PSD2: variants seen among roughly 807,000 people sequenced by gnomAD.
PSD2 encodes pleckstrin and Sec7 domain containing 2, also known as PH and SEC7 domain-containing protein 2.
In PSD2, 38 loss-of-function variants were observed where a neutral mutation model predicts 69.8. That is an observed-to-expected ratio of 0.54 (90% CI 0.42 to 0.71). PSD2 has a LOEUF of 0.71. Ranked by LOEUF, PSD2 falls within the 30% of genes least tolerant of loss-of-function variation. The pLI is 0.00. For synonymous variants in PSD2, 412 were observed against 423.0 expected (o/e 0.97, Z 0.32); for missense variants, 943 against 1,014.5 (o/e 0.93, Z 0.96).
intron 5 of PSD2, among the ~76,000 whole-genome samples, chr5:139,817,911 C>T (rs1760161952): frequency 2.6e-5 from 4 of 152,210 alleles, no homozygotes; most frequent in Admixed American, 2.6e-4. Context: ...ACTATCATTC[C>T]TATTTTTCAC....
At chr5:139,840,710 C>T (rs1209885933) in intron 14 of PSD2, among the ~76,000 whole-genome samples, 1 of 152,022 alleles carries the variant, frequency 6.6e-6, no homozygotes, top group Non-Finnish European at 1.5e-5. Context: ...GCCACCATGC[C>T]TGGCTAATTT....
At chr5:139,763,789 G>A in the PSD2 span, among the ~76,000 whole-genome samples, 2 of 152,226 alleles carry the variant, frequency 1.3e-5, no homozygotes, top group Non-Finnish European at 2.9e-5. Flanking sequence ...CTTTGCACCA[G>A]CTGTTCTTTC....
the PSD2 span, among the ~76,000 whole-genome samples, chr5:139,767,159 A>T: frequency 6.7e-6 from 1 of 149,202 alleles, no homozygotes; most frequent in Non-Finnish European, 1.5e-5. Context: ...TGCCCAGCTA[A>T]TTTTTTTTGT....
chr5:139,768,897 A>G, the PSD2 span, among the ~76,000 whole-genome samples: 41 of 152,306 alleles, frequency 2.7e-4, no homozygotes, highest in East Asian at 6.0e-3. Context: ...TAGCTCATGC[A>G]GAGTCCAGAC....
At chr5:139,802,458 C>T (rs1759698854) in intron 1 of PSD2, among the ~76,000 whole-genome samples, 1 of 151,658 alleles carries the variant, frequency 6.6e-6, no homozygotes, top group South Asian at 2.1e-4. Context: ...TCCATTGTAG[C>T]TCTCAGGATT....
At position 139,839,946 on chromosome 5, in the gene PSD2, C is replaced by G. The variant is rs948381666; in HGVS notation, c.1969-81C>G. 1.3e-5 allele frequency: 19 copies of G among 1,499,866 alleles called. No individual in the cohort carries two copies. In the African/African-American group the frequency reaches 2.5e-4, roughly 20 times the overall value. The allele number at this position is 1,499,866 out of a possible 1,614,324, so 92.9% of individuals were successfully genotyped here. On this transcript the variant is annotated intron_variant, in intron 13 of 14. Transcript: ENST00000274710. The surrounding 1 kb of genome is among the most constrained non-coding windows in gnomAD (Gnocchi z 5.1). ...AGGCCTTCATTTCCCTTTGGTGGAG[C>G]AGCTCCTGGTAGAACAGGATTTGAG...
chr5:139,789,731 T>C, the PSD2 span, among the ~76,000 whole-genome samples: 1 of 152,150 alleles, frequency 6.6e-6, no homozygotes, highest in Non-Finnish European at 1.5e-5. Context: ...GGAAAATTCT[T>C]ACCCTCATGG....
the PSD2 span, among the ~76,000 whole-genome samples, chr5:139,748,062 A>G: frequency 6.6e-6 from 1 of 152,196 alleles, no homozygotes; most frequent in Non-Finnish European, 1.5e-5. Flanking sequence ...GAGGGGGCGA[A>G]GGTCTGCGGA....
chr5:139,761,423 C>T, the PSD2 span, among the ~76,000 whole-genome samples: 1 of 152,192 alleles, frequency 6.6e-6, no homozygotes, highest in African/African-American at 2.4e-5. Flanking sequence ...TCAGTCTGTT[C>T]ACCTGTCAGG....
At chr5:139,744,112 ACTGGCCTGTCTGGAGG>A in the PSD2 span, among the ~76,000 whole-genome samples, 14 of 152,154 alleles carry the variant, frequency 9.2e-5, no homozygotes, top group African/African-American at 3.4e-4. Context: ...GGCCTGGGAC[ACTGGCCTGTCTGGAGG>A]CTGGGGAAGT....
intron 1 of PSD2, among the ~76,000 whole-genome samples, chr5:139,805,118 A>G (rs1202176616): frequency 2.0e-5 from 3 of 152,138 alleles, no homozygotes; most frequent in Admixed American, 6.5e-5. Flanking sequence ...CCATACCTGT[A>G]TTGTATGTCT....
At chr5:139,782,490 G>GT in the PSD2 span, among the ~76,000 whole-genome samples, 2,905 of 117,056 alleles carry the variant, frequency 0.025, 96 homozygotes, top group African/African-American at 0.052. Flanking sequence ...GGCCTGACTA[G>GT]TTTTTTTTTT....
the PSD2 span, among the ~76,000 whole-genome samples, chr5:139,758,048 A>G: frequency 1.3e-5 from 2 of 152,200 alleles, no homozygotes; most frequent in South Asian, 2.1e-4. Context: ...TTTCAAAAAC[A>G]AAACGAAACG....
the PSD2 span, among the ~76,000 whole-genome samples, chr5:139,751,113 A>C: frequency 6.6e-6 from 1 of 152,122 alleles, no homozygotes; most frequent in Non-Finnish European, 1.5e-5. Flanking sequence ...GTGAGACATG[A>C]TGCTGGTCTA....
the PSD2 span, among the ~76,000 whole-genome samples, chr5:139,787,794 C>G: frequency 1.3e-5 from 2 of 152,238 alleles, no homozygotes; most frequent in Non-Finnish European, 2.9e-5. Flanking sequence ...GTCTCTGGCA[C>G]AAGGAAGAGG....
rs58644184 is a variant in PSD2, at chr5:139,830,626, C to CTTTCTTTCTCTTTCTTTCTTTCTTTCTT, written c.1270-3075_1270-3074insTTCTTTCTCTTTCTTTCTTTCTTTCTTT. 3.1e-5 allele frequency among the ~76,000 whole-genome samples: 3 copies of CTTTCTTTCTCTTTCTTTCTTTCTTTCTT among 97,676 alleles called. 1 individual carries two copies. The highest frequency in any genetic ancestry group is 1.6e-4 in the African/African-American group (3 of 18,940). 64.1% of individuals were successfully genotyped at this position (97,676 alleles called of 152,430 possible). On this transcript the variant is annotated intron_variant, in intron 7 of 14. Coordinates refer to ENST00000274710, the MANE Select transcript of PSD2 (RefSeq NM_032289.4). The stretch of plus-strand genomic sequence containing the variant: ...TTTCTTTCTCTTTCTTTCTTTCTTT[C>CTTTCTTTCTCTTTCTTTCTTTCTTTCTT]TCTTTCTTTCTTTCTTTCTTTCTTT...
At chr5:139,765,176 C>T in the PSD2 span, among the ~76,000 whole-genome samples, 1 of 152,120 alleles carries the variant, frequency 6.6e-6, no homozygotes, top group Admixed American at 6.5e-5. Flanking sequence ...CTCAGTGCCC[C>T]TTCTGCTCGC....
chr5:139,838,533 C>A, intron 12 of PSD2, 95 bp from the exon 13 acceptor site: 1 of 1,404,494 alleles, frequency 7.1e-7, no homozygotes. Context: ...CTGGTGCCTT[C>A]TCAGTGCCAG....
chr5:139,793,082 C>T (rs1488961863), upstream of PSD2, among the ~76,000 whole-genome samples: 3 of 152,002 alleles, frequency 2.0e-5, no homozygotes, highest in Non-Finnish European at 4.4e-5. Context: ...GCTGGGATTA[C>T]AGGTGTGCAT....
Sources: gnomAD v4.1 joint callset for allele counts (sites outside exome capture counted in the v4.1 genomes callset) on GRCh38, gnomAD v4.1.1 for gene constraint, Gnocchi (gnomAD v3.1) non-coding constraint, MANE v1.5 for transcripts, NCBI Gene and HGNC (gene_info 2026-07-23, HGNC 2026-07-21) for gene names.